Variants in DENND4A observed in about 807,000 individuals in gnomAD.
The protein encoded by DENND4A is C-myc promoter-binding protein.
Under a neutral mutation model 199.3 loss-of-function variants are expected in DENND4A, and 70 were observed. The ratio of observed to expected loss-of-function variants is 0.35; its 90% CI spans 0.29 to 0.43. The LOEUF is 0.43. Ranked by LOEUF, DENND4A falls within the 20% of genes least tolerant of loss-of-function variation. The probability of loss-of-function intolerance (pLI) is 1.00; values close to 1 mark genes in which losing one functional copy is unlikely to be tolerated. For missense variants in DENND4A, 1,723 were observed against 2,255.8 expected (o/e 0.76, Z 4.78); for synonymous variants, 686 against 766.9 (o/e 0.89, Z 1.74).
chr15:65,682,999 T>G (rs145526167), intron 23 of DENND4A, among the ~76,000 whole-genome samples: 29 of 152,254 alleles, frequency 1.9e-4, no homozygotes, highest in Middle Eastern at 3.4e-3. Flanking sequence ...GGATCACAAG[T>G]CACCATAACA....
intron 1 of DENND4A, among the ~76,000 whole-genome samples, chr15:65,768,077 G>C (rs2077030758): frequency 6.6e-6 from 1 of 152,070 alleles, no homozygotes; most frequent in African/African-American, 2.4e-5. Context: ...GTAGTGGCAC[G>C]ATCATGGCTC....
At chr15:65,695,231 T>C (rs1374929174) in intron 22 of DENND4A, among the ~76,000 whole-genome samples, 3 of 152,178 alleles carry the variant, frequency 2.0e-5, no homozygotes, top group Non-Finnish European at 4.4e-5. Flanking sequence ...AAAGAGTAAA[T>C]ATTGTAGTCT....
Position 65,668,141 on chromosome 15 carries a change from G to T in DENND4A, c.4788-18C>A. 6.5e-7 allele frequency: 1 copy of T among 1,543,526 alleles called. No individual in the cohort carries two copies. The highest frequency in any genetic ancestry group is 8.7e-7 in the Non-Finnish European group (1 of 1,146,844). On this transcript the variant is annotated intron_variant, in intron 27 of 32. Transcript: ENST00000443035. ...TAGATTTGCTTGGGAATTGAAAAAA[G>T]AAGAAAGTGTATCAGTGTCTAGATT...
intron 14 of DENND4A, chr15:65,715,096 T>C (rs2075358236): frequency 6.2e-6 from 1 of 161,590 alleles, no homozygotes. Flanking sequence ...GTAAAACATT[T>C]ATTATACTTT....
At chr15:65,748,456 A>G (rs2076471271) in intron 4 of DENND4A, among the ~76,000 whole-genome samples, 1 of 151,948 alleles carries the variant, frequency 6.6e-6, no homozygotes, top group Non-Finnish European at 1.5e-5. Flanking sequence ...AATATCTACA[A>G]AAAATTTTGA....
In DENND4A at chr15:65,738,734, A is replaced by C. The variant is rs1186544962; in HGVS notation, c.773T>G (p.Phe258Cys). ...TTCAGCTGAGGCTCCAGTTAAAACA[A>C]AAGTAGAAAATACAGGCAGAGGGTA... is the stretch of plus-strand genomic sequence containing the variant. ...SKYPLPVFST[F>C]VLTGASAEKV... Residue 258 changes from phenylalanine (F) to cysteine (C), a missense_variant, in exon 6 of 33, where the codon TTT becomes TGT. By Grantham distance (205) the Phe-to-Cys change is radical (BLOSUM62 -2). This residue lies in a region of DENND4A where 725 missense variants were observed against 952.9 expected (regional missense o/e 0.76). Coordinates refer to ENST00000443035, the MANE Select transcript of DENND4A (RefSeq NM_001320835.1). The C allele has an allele frequency of 6.2e-7, 1 of 1,611,766 alleles. No homozygotes were observed. The highest frequency in any genetic ancestry group is 8.5e-7 in the Non-Finnish European group (1 of 1,179,044).
rs1282426394 is a variant in DENND4A, at chr15:65,729,585, G to A, written c.1260C>T (p.Ile420=). The A allele has an allele frequency of 1.2e-6, 2 of 1,602,148 alleles. No homozygotes were observed. Among genetic ancestry groups the A allele is most frequent in the Middle Eastern group, 1.7e-4 (1 of 6,048 alleles). The change falls in exon 10 of 33, where the codon ATC becomes ATT. Residue 420 remains isoleucine (I), a synonymous_variant. Transcript: ENST00000443035. ...VFAVTEHKIL[I]HSLRPSVLTS... is the part of the protein sequence containing the mutation. ...TAAGCACGGATGGCCGTAGGGAATG[G>A]ATAAGAATTTTATGTTCTGTTACTG...
At chr15:65,701,707 A>C in intron 18 of DENND4A, 55 bp downstream of exon 18, 1 of 1,521,578 alleles carries the variant, frequency 6.6e-7, no homozygotes, top group Non-Finnish European at 9.1e-7. Flanking sequence ...TTCTGCCATT[A>C]ATGTTGCATA....
At chr15:65,697,745 A>G (rs193073696) in intron 20 of DENND4A, among the ~76,000 whole-genome samples, 1 of 152,316 alleles carries the variant, frequency 6.6e-6, no homozygotes, top group East Asian at 1.9e-4. Context: ...CAACTAAGCA[A>G]TGGAGAAATC....
chr15:65,659,551 TG>T lies in DENND4A; in HGVS notation c.*2299del. Reference sequence around the variant, plus strand: ...CAGGGTCTCTCTATGTTGCTCAGGCTGGTTTTGAACTCCTGGACTCAAGCAA... The same window carrying T: ...CAGGGTCTCTCTATGTTGCTCAGGCTGTTTTGAACTCCTGGACTCAAGCAA... On this transcript the variant is annotated 3_prime_UTR_variant, in exon 33 of 33. Coordinates refer to ENST00000443035, the MANE Select transcript of DENND4A (RefSeq NM_001320835.1). 6.6e-6 allele frequency: 1 copy of T among 151,952 alleles called. No individual in the cohort carries two copies. The allele number at this position is 151,952 out of a possible 1,614,324, so 9.4% of individuals were successfully genotyped here. A position where few individuals can be genotyped will look rare whatever the true frequency, so the allele number is the denominator to read the frequency against.
intron 12 of DENND4A, among the ~76,000 whole-genome samples, chr15:65,720,983 T>TATATATATATATATATATATATATG (rs1188560736): frequency 1.9e-5 from 1 of 51,842 alleles, no homozygotes; most frequent in Non-Finnish European, 4.2e-5. Context: ...ATATATATAT[T>TATATATATATATATATATATATATG]TGTACTTTTT....
At chr15:65,790,729 G>A (rs915684789) in intron 1 of DENND4A, among the ~76,000 whole-genome samples, 1 of 152,012 alleles carries the variant, frequency 6.6e-6, no homozygotes, top group Non-Finnish European at 1.5e-5. Context: ...GTTCAAACAG[G>A]GTTCAAACAG....
At chr15:65,730,096 C>T (rs1596543761) in intron 9 of DENND4A, among the ~76,000 whole-genome samples, 1 of 152,174 alleles carries the variant, frequency 6.6e-6, no homozygotes, top group East Asian at 1.9e-4. Flanking sequence ...TCAGAAAAAC[C>T]ATATGACTTA....
At chr15:65,675,373 A>G (rs78020229) in intron 24 of DENND4A, among the ~76,000 whole-genome samples, 8,936 of 152,226 alleles carry the variant, frequency 0.059, 372 homozygotes, top group Non-Finnish European at 0.082. Context: ...TTAAGGAAAG[A>G]AAAACCTTTT....
chr15:65,733,452 AAT>A (rs2076020886), intron 7 of DENND4A, among the ~76,000 whole-genome samples: 1 of 152,126 alleles, frequency 6.6e-6, no homozygotes, highest in Non-Finnish European at 1.5e-5. Flanking sequence ...TTCCAGTCTG[AAT>A]ATGTTTGTAT....
intron 23 of DENND4A, among the ~76,000 whole-genome samples, chr15:65,685,251 C>T (rs959672523): frequency 6.6e-6 from 1 of 152,134 alleles, no homozygotes; most frequent in Non-Finnish European, 1.5e-5. Flanking sequence ...CTCAGCCTCC[C>T]GAGTAGCTGG....
chr15:65,689,585 G>GT (rs1184154615), intron 23 of DENND4A, among the ~76,000 whole-genome samples: 2 of 152,188 alleles, frequency 1.3e-5, no homozygotes, highest in African/African-American at 2.4e-5. Context: ...GCATACCTCT[G>GT]TAAGTATTCC....
At chr15:65,677,754 A>C (rs2076431007) in intron 23 of DENND4A, among the ~76,000 whole-genome samples, 1 of 152,076 alleles carries the variant, frequency 6.6e-6, no homozygotes, top group African/African-American at 2.4e-5. Flanking sequence ...ACTGATGTTA[A>C]ATGCTATTTT....
intron 29 of DENND4A, among the ~76,000 whole-genome samples, chr15:65,666,570 A>T (rs1017834827): frequency 6.6e-6 from 1 of 152,178 alleles, no homozygotes; most frequent in Non-Finnish European, 1.5e-5. Flanking sequence ...GAAACCTCAG[A>T]AAGGAAAACC....
Sources: allele counts gnomAD v4.1 joint callset (sites outside exome capture counted in the v4.1 genomes callset), GRCh38; gene constraint gnomAD v4.1.1; regional missense constraint gnomAD v4.1.1; transcripts MANE v1.5; gene names NCBI Gene and HGNC (gene_info 2026-07-23, HGNC 2026-07-21).